The following LHFPL6 variants were observed in gnomAD, a reference collection of about 807,000 sequenced individuals.
The protein encoded by LHFPL6 is LHFPL tetraspan subfamily member 6.
In LHFPL6, 9 loss-of-function variants were observed where a neutral mutation model predicts 20.6. The ratio of observed to expected loss-of-function variants is 0.44; its 90% CI spans 0.26 to 0.76. The LOEUF (loss-of-function observed/expected upper bound fraction) is 0.76, where lower values mean the gene tolerates loss of function less well. Among genes scored for constraint, LHFPL6 ranks in the 30% least tolerant of loss-of-function variants. LHFPL6 has a pLI of 0.20. For missense variants in LHFPL6, 218 were observed against 253.5 expected (o/e 0.86, Z 0.95); for synonymous variants, 105 against 98.7 (o/e 1.06, Z -0.38).
chr13:39,403,103 G>C (rs1229594096), intron 2 of LHFPL6, among the ~76,000 whole-genome samples: 1 of 152,220 alleles, frequency 6.6e-6, no homozygotes, highest in African/African-American at 2.4e-5. Flanking sequence ...GAAGTTTTCT[G>C]ATTAATATTT....
chr13:39,585,420 G>C (rs1014672992), intron 2 of LHFPL6, among the ~76,000 whole-genome samples: 5 of 152,128 alleles, frequency 3.3e-5, no homozygotes, highest in Non-Finnish European at 7.3e-5. Context: ...ATTGGCTCTT[G>C]GGACATACCA....
chr13:39,372,372 T>C (rs531315266), intron 3 of LHFPL6, among the ~76,000 whole-genome samples: 1 of 90,562 alleles, frequency 1.1e-5, no homozygotes, highest in Admixed American at 1.2e-4. Flanking sequence ...TCTATACAAC[T>C]AAGGACGATT....
At chr13:39,440,728 G>T (rs1416209528) in intron 2 of LHFPL6, among the ~76,000 whole-genome samples, 1 of 152,062 alleles carries the variant, frequency 6.6e-6, no homozygotes, top group African/African-American at 2.4e-5. Context: ...AGCCGGATAT[G>T]GTTTGGCTGT....
At chr13:39,371,216 T>C (rs905049433) in intron 3 of LHFPL6, among the ~76,000 whole-genome samples, 3 of 152,152 alleles carry the variant, frequency 2.0e-5, no homozygotes, top group Admixed American at 6.5e-5. Flanking sequence ...TCAAATTAAA[T>C]AGCAAAATGA....
chr13:39,344,884 G>C (rs1360314888), intron 3 of LHFPL6, among the ~76,000 whole-genome samples: 1 of 152,178 alleles, frequency 6.6e-6, no homozygotes, highest in South Asian at 2.1e-4. Flanking sequence ...AGTGAGCCAG[G>C]GCTCAAATCT....
chr13:39,531,954 T>A (rs977134548), intron 2 of LHFPL6, among the ~76,000 whole-genome samples: 1 of 152,086 alleles, frequency 6.6e-6, no homozygotes, highest in Non-Finnish European at 1.5e-5. Flanking sequence ...CAAGTATAGT[T>A]CATGTGCTTC....
At chr13:39,568,980 A>G (rs1442462324) in intron 2 of LHFPL6, among the ~76,000 whole-genome samples, 1 of 152,180 alleles carries the variant, frequency 6.6e-6, no homozygotes, top group Non-Finnish European at 1.5e-5. Context: ...GCTTAAAACC[A>G]TTTCCCATAT....
chr13:39,348,232 G>C (rs1468137883), intron 3 of LHFPL6, among the ~76,000 whole-genome samples: 1 of 152,110 alleles, frequency 6.6e-6, no homozygotes, highest in African/African-American at 2.4e-5. Flanking sequence ...CTGTCCCTTT[G>C]CTGGTTCTGG....
At chr13:39,431,390 C>T (rs1871797510) in intron 2 of LHFPL6, among the ~76,000 whole-genome samples, 3 of 152,170 alleles carry the variant, frequency 2.0e-5, no homozygotes, top group African/African-American at 4.8e-5. Context: ...CCAGGGTCCA[C>T]GGCTTCATTC....
At chr13:39,543,931 C>A (rs9315702) in intron 2 of LHFPL6, among the ~76,000 whole-genome samples, 53,541 of 152,058 alleles carry the variant, frequency 0.35, 10,537 homozygotes, top group Non-Finnish European at 0.44. Context: ...AAAAGTCTTG[C>A]GATTATGAAA....
chr13:39,555,986 T>C (rs1871291870), intron 2 of LHFPL6, among the ~76,000 whole-genome samples: 1 of 152,128 alleles, frequency 6.6e-6, no homozygotes, highest in Admixed American at 6.5e-5. Context: ...TAAAAGAGTC[T>C]GGGACCTCCC....
intron 2 of LHFPL6, among the ~76,000 whole-genome samples, chr13:39,551,426 T>C (rs185374084): frequency 6.8e-4 from 103 of 151,554 alleles, no homozygotes; most frequent in African/African-American, 2.4e-3. Context: ...TACCTTTTAT[T>C]TGGCCCCACC....
chr13:39,519,881 A>T (rs1694702127), intron 2 of LHFPL6, among the ~76,000 whole-genome samples: 1 of 152,172 alleles, frequency 6.6e-6, no homozygotes, highest in Non-Finnish European at 1.5e-5. Flanking sequence ...ACCCAAAGCA[A>T]ATCTTTAACA....
intron 2 of LHFPL6, among the ~76,000 whole-genome samples, chr13:39,452,971 CA>C (rs1477141775): frequency 1.3e-5 from 2 of 152,140 alleles, no homozygotes; most frequent in Admixed American, 6.5e-5. Context: ...TTACTTTTGC[CA>C]GAGGCAGCCT....
chr13:39,572,138 A>G (rs535440091), intron 2 of LHFPL6, among the ~76,000 whole-genome samples: 1 of 152,370 alleles, frequency 6.6e-6, no homozygotes, highest in South Asian at 2.1e-4. Context: ...CTACATAAGT[A>G]GCAATCAGAT....
chr13:39,542,096 TATA>T (rs5802996), intron 2 of LHFPL6, among the ~76,000 whole-genome samples: 5,643 of 137,082 alleles, frequency 0.041, 141 homozygotes, highest in Middle Eastern at 0.062. Flanking sequence ...ATCTCAAAAA[TATA>T]ATAATAATAA....
chr13:39,489,666 C>G (rs1055458458), intron 2 of LHFPL6, among the ~76,000 whole-genome samples: 4 of 151,836 alleles, frequency 2.6e-5, no homozygotes, highest in African/African-American at 9.7e-5. Context: ...GGGATCCTCA[C>G]CTCAGCCTTC....
intron 3 of LHFPL6, among the ~76,000 whole-genome samples, chr13:39,368,480 G>A (rs1870067355): frequency 6.6e-6 from 1 of 152,116 alleles, no homozygotes; most frequent in South Asian, 2.1e-4. Context: ...AACTCTGGAG[G>A]CTGAGGCAGG....
At chr13:39,394,009 T>C (rs767172838) in intron 2 of LHFPL6, among the ~76,000 whole-genome samples, 1 of 152,184 alleles carries the variant, frequency 6.6e-6, no homozygotes, top group Non-Finnish European at 1.5e-5. Context: ...GGCCTGATCC[T>C]AGCTCACTGC....
Sources: gnomAD v4.1 joint callset for allele counts (sites outside exome capture counted in the v4.1 genomes callset) on GRCh38, gnomAD v4.1.1 for gene constraint, MANE v1.5 for transcripts, NCBI Gene and HGNC (gene_info 2026-07-23, HGNC 2026-07-21) for gene names.